The following ERC2 variants were observed in gnomAD, a reference collection of about 807,000 sequenced individuals.
ERC2 encodes ERC protein 2.
A neutral mutation model predicts 114.8 loss-of-function variants in ERC2; 42 were observed. That is an observed-to-expected ratio of 0.37 (90% CI 0.29 to 0.47). The LOEUF (loss-of-function observed/expected upper bound fraction) is 0.47, where lower values mean the gene tolerates loss of function less well. Ranked by LOEUF, ERC2 falls within the 20% of genes least tolerant of loss-of-function variation. The probability of loss-of-function intolerance (pLI) is 0.99; values close to 1 mark genes in which losing one functional copy is unlikely to be tolerated. For missense variants in ERC2, 939 were observed against 1,150.7 expected (o/e 0.82, Z 2.66); for synonymous variants, 454 against 425.5 (o/e 1.07, Z -0.82).
intron 17 of ERC2, among the ~76,000 whole-genome samples, chr3:55,570,685 G>A (rs568582712): frequency 6.6e-6 from 1 of 152,294 alleles, no homozygotes; most frequent in African/African-American, 2.4e-5. Context: ...GGTGGTCAAG[G>A]AAAATTACAA....
At chr3:56,137,312 C>G (rs748251508) in intron 6 of ERC2, among the ~76,000 whole-genome samples, 2 of 152,154 alleles carry the variant, frequency 1.3e-5, no homozygotes, top group Non-Finnish European at 2.9e-5. Context: ...ATCGGTAATC[C>G]TGGTATTATT....
At chr3:55,625,796 C>T (rs1455270688) in intron 17 of ERC2, among the ~76,000 whole-genome samples, 1 of 152,146 alleles carries the variant, frequency 6.6e-6, no homozygotes, top group Admixed American at 6.5e-5. Context: ...ACACATTGTA[C>T]CAGTGATTAC....
intron 17 of ERC2, among the ~76,000 whole-genome samples, chr3:55,675,220 A>T (rs1382536125): frequency 6.6e-6 from 1 of 152,220 alleles, no homozygotes; most frequent in Non-Finnish European, 1.5e-5. Flanking sequence ...GAGGACATGT[A>T]TATTCCCAGA....
At chr3:56,365,383 T>C (rs1003768378) in intron 2 of ERC2, among the ~76,000 whole-genome samples, 1 of 152,236 alleles carries the variant, frequency 6.6e-6, no homozygotes, top group African/African-American at 2.4e-5. Flanking sequence ...ATAGGTTATC[T>C]CATATAGCCT....
At chr3:56,456,755 C>T (rs1228184373) in intron 1 of ERC2, among the ~76,000 whole-genome samples, 1 of 152,160 alleles carries the variant, frequency 6.6e-6, no homozygotes, top group African/African-American at 2.4e-5. Flanking sequence ...AAATTAATGA[C>T]AAAATTCAAG....
chr3:56,152,421 G>T (rs925159037), intron 4 of ERC2, among the ~76,000 whole-genome samples: 1 of 151,838 alleles, frequency 6.6e-6, no homozygotes, highest in East Asian at 1.9e-4. Flanking sequence ...AAATGAAGGG[G>T]GGGGGGCGCT....
At chr3:56,399,122 A>G (rs2060425774) in intron 2 of ERC2, among the ~76,000 whole-genome samples, 1 of 152,206 alleles carries the variant, frequency 6.6e-6, no homozygotes, top group Non-Finnish European at 1.5e-5. Context: ...CAGGGCTCAA[A>G]CATCATGCTA....
chr3:56,379,379 T>C (rs547102099), intron 2 of ERC2, among the ~76,000 whole-genome samples: 1 of 152,336 alleles, frequency 6.6e-6, no homozygotes, highest in South Asian at 2.1e-4. Context: ...GTGTAGCTTC[T>C]ATTCACTGGT....
At chr3:56,274,213 C>T (rs1319872874) in intron 3 of ERC2, among the ~76,000 whole-genome samples, 1 of 152,184 alleles carries the variant, frequency 6.6e-6, no homozygotes, top group Non-Finnish European at 1.5e-5. Flanking sequence ...GTGAACTGCG[C>T]ATACAAGGGA....
intron 6 of ERC2, among the ~76,000 whole-genome samples, chr3:56,113,753 AT>A (rs2079085133): frequency 6.6e-6 from 1 of 152,140 alleles, no homozygotes; most frequent in South Asian, 2.1e-4. Flanking sequence ...CCCACTTCAG[AT>A]GCCAATTGCA....
intron 2 of ERC2, among the ~76,000 whole-genome samples, chr3:56,305,512 CCACACACACA>C (rs58751787): frequency 0.016 from 2,266 of 144,422 alleles, 17 homozygotes; most frequent in South Asian, 0.021. Context: ...ACTCTCTTAT[CCACACACACA>C]CACACACACA....
At chr3:55,923,419 G>C (rs942889349) in intron 13 of ERC2, among the ~76,000 whole-genome samples, 15 of 152,056 alleles carry the variant, frequency 9.9e-5, no homozygotes, top group African/African-American at 3.6e-4. Flanking sequence ...AACAGATATA[G>C]AGTTTCAGTT....
chr3:55,538,484 T>G (rs1048595966), intron 17 of ERC2, among the ~76,000 whole-genome samples: 2 of 152,244 alleles, frequency 1.3e-5, no homozygotes, highest in African/African-American at 4.8e-5. Context: ...GGGACTGGGT[T>G]GGAGTTTGCT....
chr3:55,679,568 TCTAA>T (rs1254514501), intron 17 of ERC2, among the ~76,000 whole-genome samples: 1 of 152,180 alleles, frequency 6.6e-6, no homozygotes, highest in Non-Finnish European at 1.5e-5. Flanking sequence ...TTTCCTAGCA[TCTAA>T]CTGAGAACTT....
At chr3:55,668,501 G>A (rs764787308) in intron 17 of ERC2, among the ~76,000 whole-genome samples, 2 of 152,206 alleles carry the variant, frequency 1.3e-5, no homozygotes, top group African/African-American at 2.4e-5. Context: ...TATGCTCATC[G>A]TCATGACTTG....
intron 6 of ERC2, among the ~76,000 whole-genome samples, chr3:56,117,215 G>A (rs2079289006): frequency 6.6e-6 from 1 of 152,214 alleles, no homozygotes; most frequent in African/African-American, 2.4e-5. Flanking sequence ...TTGGCTCAGT[G>A]CTTACAGTGG....
intron 2 of ERC2, among the ~76,000 whole-genome samples, chr3:56,346,106 T>C (rs1356593156): frequency 2.0e-5 from 3 of 152,208 alleles, no homozygotes; most frequent in Admixed American, 2.0e-4. Flanking sequence ...CTTCATCCAT[T>C]CCATTTTGGC....
At chr3:56,041,711 G>T (rs1371083073) in intron 7 of ERC2, among the ~76,000 whole-genome samples, 2 of 152,180 alleles carry the variant, frequency 1.3e-5, no homozygotes, top group East Asian at 3.9e-4. Context: ...ATATATATGG[G>T]AGATGGGAAG....
chr3:55,913,935 G>T (rs2064952509), intron 13 of ERC2, among the ~76,000 whole-genome samples: 1 of 152,126 alleles, frequency 6.6e-6, no homozygotes, highest in Non-Finnish European at 1.5e-5. Context: ...AGATTCAAAA[G>T]AATCCACCTT....
Sources: allele counts gnomAD v4.1 joint callset (sites outside exome capture counted in the v4.1 genomes callset), GRCh38; gene constraint gnomAD v4.1.1; transcripts MANE v1.5; gene names NCBI Gene and HGNC (gene_info 2026-07-23, HGNC 2026-07-21).